The following CTNNA3 variants were observed in gnomAD, a reference collection of about 807,000 sequenced individuals.
The protein encoded by CTNNA3 is catenin alpha-3.
A neutral mutation model predicts 95.7 loss-of-function variants in CTNNA3; 76 were observed. The ratio of observed to expected loss-of-function variants is 0.79; its 90% CI spans 0.66 to 0.96. The LOEUF is 0.96. Ranked by LOEUF, CTNNA3 falls within the 40% of genes least tolerant of loss-of-function variation. The probability of loss-of-function intolerance (pLI) is 0.00; values close to 1 mark genes in which losing one functional copy is unlikely to be tolerated. For missense variants in CTNNA3, 1,191 were observed against 1,089.8 expected, an observed-to-expected ratio of 1.09 and a Z score of -1.31; for synonymous variants, 431 against 374.4, an observed-to-expected ratio of 1.15 and a Z score of -1.74.
chr10:66,033,840 CTT>C (rs2079500841), intron 15 of CTNNA3, among the ~76,000 whole-genome samples: 2 of 152,176 alleles, frequency 1.3e-5, no homozygotes, highest in Non-Finnish European at 2.9e-5. Context: ...GAATCACAGA[CTT>C]ATATAATGTC....
chr10:66,275,536 C>G lies in CTNNA3; in HGVS notation c.1884+4934G>C, dbSNP rs149239512. On this transcript the variant is annotated intron_variant, in intron 13 of 17. Transcript: ENST00000433211. ...AGTAGTGTTCTTCCATTTTCCCCTG[C>G]AGGGAAGAAACTGATGACATCATGT... Among the ~76,000 whole-genome samples the G allele has an allele frequency of 4.4e-3, 673 of 152,274 alleles. 1 individual carries two copies. The highest frequency in any genetic ancestry group is 0.015 in the African/African-American group (640 of 41,552).
intron 7 of CTNNA3, among the ~76,000 whole-genome samples, chr10:66,827,405 CAAT>C (rs1451467848): frequency 2.3e-4 from 35 of 152,166 alleles, no homozygotes; most frequent in African/African-American, 8.0e-4. Context: ...AAATCATTAA[CAAT>C]GATACTTTCA....
At chr10:66,020,856 G>A (rs534861242) in intron 15 of CTNNA3, among the ~76,000 whole-genome samples, 1 of 151,990 alleles carries the variant, frequency 6.6e-6, no homozygotes, top group South Asian at 2.1e-4. Flanking sequence ...TGTATTTTTA[G>A]TAGAGATGGG....
intron 9 of CTNNA3, among the ~76,000 whole-genome samples, chr10:66,627,014 T>TAAAGAC: frequency 2.6e-5 from 4 of 152,020 alleles, no homozygotes. Flanking sequence ...TTTCATGTGT[T>TAAAGAC]TGAATAGACA....
At chr10:66,027,109 A>T (rs2133444784) in intron 15 of CTNNA3, among the ~76,000 whole-genome samples, 1 of 152,246 alleles carries the variant, frequency 6.6e-6, no homozygotes, top group Admixed American at 6.5e-5. Flanking sequence ...TAAAGAAAAT[A>T]ATTGCAATGT....
intron 7 of CTNNA3, among the ~76,000 whole-genome samples, chr10:67,134,067 C>T (rs1259591014): frequency 6.6e-6 from 1 of 152,144 alleles, no homozygotes; most frequent in Admixed American, 6.6e-5. Context: ...AGTCAGTAGC[C>T]GAACTGGGAT....
In CTNNA3 at chr10:66,280,555, A is replaced by T. The variant is rs1294789171; in HGVS notation, c.1799T>A (p.Val600Glu). 2.5e-6 allele frequency: 4 copies of T among 1,609,420 alleles called. No individual in the cohort carries two copies. In the Admixed American group the frequency reaches 5.0e-5, roughly 20 times the overall value. The change falls in exon 13 of 18, where the codon GTG becomes GAG. Residue 600 changes from valine to glutamate, a missense_variant. Coordinates refer to ENST00000433211, the MANE Select transcript of CTNNA3 (RefSeq NM_013266.4). ...LEALSKSSLNVLDDNQFVDIS... is the reference protein window; with the variant it reads ...LEALSKSSLNELDDNQFVDIS... ...GTCCACAAATTGATTATCATCCAACACATTCAATGAGCTTTTGCTTAAGGC... is the reference window on the plus strand; with the variant it reads ...GTCCACAAATTGATTATCATCCAACTCATTCAATGAGCTTTTGCTTAAGGC...
At chr10:66,765,097 A>T (rs1157849388) in intron 9 of CTNNA3, among the ~76,000 whole-genome samples, 1 of 152,150 alleles carries the variant, frequency 6.6e-6, no homozygotes, top group Non-Finnish European at 1.5e-5. Flanking sequence ...GGGCTACAAA[A>T]ATTGTAGCAA....
chr10:66,295,911 C>T (rs1211447711), intron 12 of CTNNA3, among the ~76,000 whole-genome samples: 2 of 145,340 alleles, frequency 1.4e-5, no homozygotes, highest in African/African-American at 5.3e-5. Flanking sequence ...TTGTCTCTGG[C>T]TTCAGTAGGA....
At chr10:67,347,848 A>C (rs1189772626) in intron 5 of CTNNA3, among the ~76,000 whole-genome samples, 1 of 150,044 alleles carries the variant, frequency 6.7e-6, no homozygotes, top group Admixed American at 6.6e-5. Flanking sequence ...AAAAAAAAAA[A>C]CACAAAAACC....
At chr10:67,462,832 G>C (rs1421693021) in intron 5 of CTNNA3, among the ~76,000 whole-genome samples, 1 of 152,100 alleles carries the variant, frequency 6.6e-6, no homozygotes, top group African/African-American at 2.4e-5. Flanking sequence ...CACTAACACA[G>C]AGTTTTCTTT....
chr10:66,607,472 C>CAAAA (rs574854850), intron 10 of CTNNA3, among the ~76,000 whole-genome samples: 233 of 44,942 alleles, frequency 5.2e-3, no homozygotes, highest in East Asian at 5.8e-3. Context: ...CAGAGACAAC[C>CAAAA]AAAAAAAAAA....
chr10:66,056,641 CA>C (rs2080093681), intron 15 of CTNNA3, among the ~76,000 whole-genome samples: 1 of 152,140 alleles, frequency 6.6e-6, no homozygotes, highest in Admixed American at 6.5e-5. Flanking sequence ...TAGAACCCAA[CA>C]GTGAAGCCAT....
chr10:66,974,132 C>T (rs1849889527), intron 7 of CTNNA3, among the ~76,000 whole-genome samples: 1 of 152,138 alleles, frequency 6.6e-6, no homozygotes, highest in Non-Finnish European at 1.5e-5. Context: ...TGATCTGTCT[C>T]TATCACCACA....
chr10:66,874,932 A>G (rs1344771581), intron 7 of CTNNA3, among the ~76,000 whole-genome samples: 1 of 152,192 alleles, frequency 6.6e-6, no homozygotes, highest in Non-Finnish European at 1.5e-5. Flanking sequence ...TTTGGCTTAC[A>G]GTCTAGTAGG....
intron 7 of CTNNA3, among the ~76,000 whole-genome samples, chr10:66,937,387 A>G (rs1043369223): frequency 6.6e-6 from 1 of 152,212 alleles, no homozygotes; most frequent in African/African-American, 2.4e-5. Context: ...TGAAGATTCA[A>G]TGAGATGATG....
chr10:67,415,084 TG>T (rs1845497089), intron 5 of CTNNA3, among the ~76,000 whole-genome samples: 1 of 152,196 alleles, frequency 6.6e-6, no homozygotes, highest in Non-Finnish European at 1.5e-5. Flanking sequence ...ATATTTCCCT[TG>T]AGAACTAGAA....
chr10:67,738,901 A>G (rs1318575063), intron 1 of CTNNA3, among the ~76,000 whole-genome samples: 1 of 152,180 alleles, frequency 6.6e-6, no homozygotes. Context: ...AAAAAAGAAT[A>G]AAAAGAAATG....
At chr10:67,708,504 T>C (rs1399047005) in intron 1 of CTNNA3, among the ~76,000 whole-genome samples, 1 of 152,164 alleles carries the variant, frequency 6.6e-6, no homozygotes, top group Admixed American at 6.6e-5. Context: ...TTACTGTCAT[T>C]GAACCTTCTT....
Sources: allele counts gnomAD v4.1 joint callset (sites outside exome capture counted in the v4.1 genomes callset), GRCh38; gene constraint gnomAD v4.1.1; transcripts MANE v1.5; gene names NCBI Gene and HGNC (gene_info 2026-07-23, HGNC 2026-07-21).